APBA1: variants seen among roughly 807,000 people sequenced by gnomAD.
APBA1 encodes the protein amyloid-beta A4 precursor protein-binding family A member 1.
In APBA1, 55 loss-of-function variants were observed where a neutral mutation model predicts 86.6. That is an observed-to-expected ratio of 0.64 (90% CI 0.51 to 0.80). The LOEUF (loss-of-function observed/expected upper bound fraction) is 0.80, where lower values mean the gene tolerates loss of function less well. Ranked by LOEUF, APBA1 falls within the 30% of genes least tolerant of loss-of-function variation. The pLI is 0.00. For synonymous variants in APBA1, 511 were observed against 493.9 expected, an observed-to-expected ratio of 1.03 and a Z score of -0.46; for missense variants, 1,090 against 1,183.0, an observed-to-expected ratio of 0.92 and a Z score of 1.15.
chr9:69,560,236 T>C (rs1327187232), intron 1 of APBA1, among the ~76,000 whole-genome samples: 1 of 152,254 alleles, frequency 6.6e-6, no homozygotes, highest in East Asian at 1.9e-4. Context: ...TTTCTCTTTC[T>C]TTCTTTTGAT....
intron 1 of APBA1, among the ~76,000 whole-genome samples, chr9:69,661,399 G>A (rs1289772448): frequency 6.6e-6 from 1 of 152,186 alleles, no homozygotes; most frequent in Non-Finnish European, 1.5e-5. Context: ...CAGCGGCCCT[G>A]TGCAGGAAGA....
intron 1 of APBA1, among the ~76,000 whole-genome samples, chr9:69,539,642 C>T (rs899040959): frequency 5.3e-5 from 8 of 152,188 alleles, no homozygotes; most frequent in African/African-American, 1.4e-4. Context: ...CACTCTCCCT[C>T]GCACCTCTCA....
intron 2 of APBA1, among the ~76,000 whole-genome samples, chr9:69,483,618 T>C (rs763582256): frequency 3.3e-5 from 5 of 152,142 alleles, no homozygotes; most frequent in Non-Finnish European, 7.3e-5. Context: ...GCAGTGAAAT[T>C]CATTTTAATT....
intron 1 of APBA1, among the ~76,000 whole-genome samples, chr9:69,566,609 A>G (rs558279712): frequency 6.6e-6 from 1 of 152,194 alleles, no homozygotes; most frequent in Non-Finnish European, 1.5e-5. Flanking sequence ...TGGCCAGTCA[A>G]GCTTTGCATG....
chr9:69,578,676 T>C (rs1405645856), intron 1 of APBA1, among the ~76,000 whole-genome samples: 1 of 152,234 alleles, frequency 6.6e-6, no homozygotes, highest in Admixed American at 6.5e-5. Context: ...AGGGAAGATG[T>C]GGCAGATTTT....
chr9:69,542,305 C>T (rs996758353), intron 1 of APBA1, among the ~76,000 whole-genome samples: 33 of 152,296 alleles, frequency 2.2e-4, no homozygotes, highest in African/African-American at 7.2e-4. Flanking sequence ...TGGGAGTTCG[C>T]GCATGATGTA....
At chr9:69,533,625 T>C (rs192271897) in intron 1 of APBA1, among the ~76,000 whole-genome samples, 15 of 152,292 alleles carry the variant, frequency 9.8e-5, no homozygotes, top group African/African-American at 3.6e-4. Flanking sequence ...AAGAGTGATG[T>C]CTCTGTTCAC....
intron 1 of APBA1, among the ~76,000 whole-genome samples, chr9:69,607,456 ATT>A (rs1460948286): frequency 6.6e-6 from 1 of 152,118 alleles, no homozygotes; most frequent in Non-Finnish European, 1.5e-5. Context: ...TCAATACGAG[ATT>A]TGGGCGGGGA....
At chr9:69,625,667 T>G (rs1822914754) in intron 1 of APBA1, among the ~76,000 whole-genome samples, 1 of 152,206 alleles carries the variant, frequency 6.6e-6, no homozygotes, top group South Asian at 2.1e-4. Flanking sequence ...GCTGGGCTAA[T>G]TTAGTTAAAA....
chr9:69,500,182 A>G (rs11138980), intron 2 of APBA1, among the ~76,000 whole-genome samples: 23,998 of 151,982 alleles, frequency 0.16, 2,662 homozygotes, highest in African/African-American at 0.29. Flanking sequence ...GGGGATCTGA[A>G]TGCTGAGGAC....
intron 1 of APBA1, among the ~76,000 whole-genome samples, chr9:69,622,676 CAG>C (rs1298363412): frequency 6.6e-6 from 1 of 152,096 alleles, no homozygotes; most frequent in Non-Finnish European, 1.5e-5. Context: ...TTTGAACCTA[CAG>C]AGTCACCCTC....
At chr9:69,640,974 A>AG (rs1218046997) in intron 1 of APBA1, among the ~76,000 whole-genome samples, 2 of 111,186 alleles carry the variant, frequency 1.8e-5, no homozygotes, top group East Asian at 3.4e-4. Flanking sequence ...GAGAGAGAGA[A>AG]AGAAAGAAAG....
At chr9:69,596,896 AC>A (rs1366923183) in intron 1 of APBA1, among the ~76,000 whole-genome samples, 1 of 152,220 alleles carries the variant, frequency 6.6e-6, no homozygotes, top group Non-Finnish European at 1.5e-5. Context: ...ATGTGAAGAC[AC>A]CTTGAAAAGT....
At chr9:69,492,142 GC>G (rs1007032130) in intron 2 of APBA1, among the ~76,000 whole-genome samples, 3 of 152,082 alleles carry the variant, frequency 2.0e-5, no homozygotes, top group African/African-American at 7.2e-5. Context: ...GTTATTAAAT[GC>G]TTAAGGCCCA....
intron 2 of APBA1, among the ~76,000 whole-genome samples, chr9:69,510,927 T>C (rs1295678018): frequency 1.4e-5 from 2 of 145,912 alleles, no homozygotes; most frequent in East Asian, 2.0e-4. Context: ...CAATTCAAGA[T>C]GGATTAAAGA....
intron 10 of APBA1, among the ~76,000 whole-genome samples, chr9:69,445,563 C>G (rs1834893636): frequency 6.6e-6 from 1 of 152,132 alleles, no homozygotes; most frequent in Non-Finnish European, 1.5e-5. Context: ...AACCATGATG[C>G]TCCTGGGGAA....
At chr9:69,461,223 C>T (rs1439889835) in intron 5 of APBA1, 1 of 152,018 alleles carries the variant, frequency 6.6e-6, no homozygotes, top group Non-Finnish European at 1.5e-5. Context: ...AAACATAAGG[C>T]CAGCATGCAT....
At chr9:69,447,850 C>T (rs1402449645) in intron 10 of APBA1, among the ~76,000 whole-genome samples, 1 of 152,132 alleles carries the variant, frequency 6.6e-6, no homozygotes, top group Non-Finnish European at 1.5e-5. Context: ...TAAGTCCTTT[C>T]ACTTCTCCTC....
At chr9:69,471,909 T>C (rs1835372538) in intron 3 of APBA1, among the ~76,000 whole-genome samples, 1 of 152,178 alleles carries the variant, frequency 6.6e-6, no homozygotes, top group Non-Finnish European at 1.5e-5. Context: ...TTTTAGATAA[T>C]CTAGAAATCT....
Sources: allele counts gnomAD v4.1 joint callset (sites outside exome capture counted in the v4.1 genomes callset), GRCh38; gene constraint gnomAD v4.1.1; transcripts MANE v1.5; gene names NCBI Gene and HGNC (gene_info 2026-07-23, HGNC 2026-07-21).